Variants in SNX29 observed in about 807,000 individuals in gnomAD.
SNX29 encodes the protein sorting nexin 29, also known as sorting nexin-29.
In SNX29, 78 loss-of-function variants were observed where a neutral mutation model predicts 102.1. The observed-to-expected ratio is 0.76, with a 90% confidence interval of 0.64 to 0.92. The LOEUF (loss-of-function observed/expected upper bound fraction) is 0.92. Ranked by LOEUF, SNX29 falls within the 40% of genes least tolerant of loss-of-function variation. The probability of loss-of-function intolerance (pLI) is 0.00; values close to 1 mark genes in which losing one functional copy is unlikely to be tolerated. For synonymous variants in SNX29, 580 were observed against 414.5 expected (o/e 1.40, Z -4.85); for missense variants, 1,280 against 1,061.7 (o/e 1.21, Z -2.86).
At chr16:12,380,046 T>A (rs936688246) in intron 16 of SNX29, among the ~76,000 whole-genome samples, 2 of 151,054 alleles carry the variant, frequency 1.3e-5, no homozygotes. Context: ...ACAGAACTCC[T>A]AAGAATTCCC....
intron 15 of SNX29, among the ~76,000 whole-genome samples, chr16:12,325,703 C>A (rs963846192): frequency 2.0e-5 from 3 of 152,048 alleles, no homozygotes; most frequent in Non-Finnish European, 2.9e-5. Context: ...AGTAGATTTG[C>A]TCCTTATTTT....
chr16:12,218,273 C>G (rs1476099070), intron 14 of SNX29, among the ~76,000 whole-genome samples: 1 of 152,302 alleles, frequency 6.6e-6, no homozygotes, highest in Non-Finnish European at 1.5e-5. Context: ...AAGTTAATCT[C>G]TCCCGATGCT....
At chr16:12,437,314 A>C (rs1334452254) in intron 18 of SNX29, among the ~76,000 whole-genome samples, 2 of 150,652 alleles carry the variant, frequency 1.3e-5, no homozygotes, top group Middle Eastern at 3.5e-3. Flanking sequence ...AAGGTGTCAC[A>C]CACTGTGCTC....
At chr16:12,437,202 C>G (rs372689374) in intron 18 of SNX29, among the ~76,000 whole-genome samples, 49 of 152,356 alleles carry the variant, frequency 3.2e-4, no homozygotes, top group African/African-American at 9.6e-4. Flanking sequence ...GTTTCTTTCT[C>G]TTTGCTTTTC....
chr16:12,253,790 C>CG (rs2078490140), intron 14 of SNX29, among the ~76,000 whole-genome samples: 3 of 152,054 alleles, frequency 2.0e-5, no homozygotes, highest in Non-Finnish European at 4.4e-5. Context: ...GGGGTGGCCT[C>CG]TGAGTTAGGG....
At chr16:12,565,817 T>G (rs1252471752) in intron 20 of SNX29, among the ~76,000 whole-genome samples, 1 of 152,110 alleles carries the variant, frequency 6.6e-6, no homozygotes, top group African/African-American at 2.4e-5. Context: ...CTCAGCTCAC[T>G]TCTGGTCACC....
chr16:12,031,352 G>A (rs1049229078), intron 4 of SNX29, among the ~76,000 whole-genome samples: 3 of 151,918 alleles, frequency 2.0e-5, no homozygotes, highest in East Asian at 1.9e-4. Context: ...GATTACAGGC[G>A]TTAGCCACTG....
At chr16:12,387,483 A>G (rs1164582189) in intron 16 of SNX29, among the ~76,000 whole-genome samples, 1 of 135,962 alleles carries the variant, frequency 7.4e-6, no homozygotes, top group African/African-American at 2.8e-5. Context: ...AGCTGGCTAC[A>G]CTCCCCTTGC....
Position 12,013,500 on chromosome 16 carries a change from A to AAT in SNX29, c.122+10498_122+10499dup, listed in dbSNP as rs66491414. ...GTCTCTACTGGGGGAAAAAAAAAAA[A>AAT]ATATATATATATATATATATATATA... is the stretch of plus-strand genomic sequence containing the variant. On this transcript the variant is annotated intron_variant, in intron 3 of 20. Transcript: ENST00000566228. 6.5e-3 allele frequency among the ~76,000 whole-genome samples: 206 copies of AAT among 31,590 alleles called. 14 individuals carry two copies. The highest frequency in any genetic ancestry group is 7.4e-3 in the Non-Finnish European group (121 of 16,246). 20.7% of individuals were successfully genotyped at this position (31,590 alleles called of 152,430 possible). A position where few individuals can be genotyped will look rare whatever the true frequency, so the allele number is the denominator to read the frequency against.
At chr16:12,247,025 C>G (rs968414046) in intron 14 of SNX29, among the ~76,000 whole-genome samples, 1 of 152,040 alleles carries the variant, frequency 6.6e-6, no homozygotes, top group Non-Finnish European at 1.5e-5. Flanking sequence ...GGGAGCAGGG[C>G]CTTGTAGGTC....
chr16:12,573,652 T>C lies in SNX29; in HGVS notation c.*5023T>C, dbSNP rs2079233245. ...GAACGGCAAGGGGAACCACCACTCA[T>C]TCACTGTCAGTGTAGGTAAGACAGA... is the stretch of plus-strand genomic sequence containing the variant. On this transcript the variant is annotated 3_prime_UTR_variant, in exon 21 of 21. Coordinates refer to ENST00000566228, the MANE Select transcript of SNX29 (RefSeq NM_032167.5). 4.5e-6 allele frequency: 1 copy of C among 221,620 alleles called. No homozygotes were observed. 13.7% of individuals were successfully genotyped at this position (221,620 alleles called of 1,614,324 possible). A position where few individuals can be genotyped will look rare whatever the true frequency, so the allele number is the denominator to read the frequency against.
At chr16:12,031,397 C>T (rs1236048060) in intron 4 of SNX29, among the ~76,000 whole-genome samples, 1 of 152,054 alleles carries the variant, frequency 6.6e-6, no homozygotes, top group Non-Finnish European at 1.5e-5. Flanking sequence ...AACAGCTCTC[C>T]TAGTTTCTGT....
chr16:12,102,067 T>A (rs1435690235), intron 11 of SNX29, among the ~76,000 whole-genome samples: 4 of 152,232 alleles, frequency 2.6e-5, no homozygotes, highest in Non-Finnish European at 5.9e-5. Flanking sequence ...GTTTCCAGCT[T>A]CATCCATGTC....
intron 18 of SNX29, among the ~76,000 whole-genome samples, chr16:12,407,154 C>T (rs1008015120): frequency 1.5e-5 from 2 of 133,410 alleles, no homozygotes; most frequent in Non-Finnish European, 3.4e-5. Context: ...AAGGCCACAT[C>T]CTGCGGGGAG....
At chr16:12,004,505 T>C (rs1046514894) in intron 3 of SNX29, among the ~76,000 whole-genome samples, 7 of 152,064 alleles carry the variant, frequency 4.6e-5, no homozygotes, top group African/African-American at 1.7e-4. Flanking sequence ...CGTTGTGAGC[T>C]CAGTCAGAGC....
chr16:12,495,002 G>A (rs1369055614), intron 19 of SNX29, among the ~76,000 whole-genome samples: 1 of 152,184 alleles, frequency 6.6e-6, no homozygotes, highest in Non-Finnish European at 1.5e-5. Flanking sequence ...CTGGGGCCGA[G>A]GAGTTAGCAT....
chr16:12,526,456 T>A, intron 20 of SNX29: 1 of 463,350 alleles, frequency 2.2e-6, no homozygotes, highest in Non-Finnish European at 4.2e-6. Flanking sequence ...TATAGTATCC[T>A]GCTGCCTGTG....
At chr16:12,483,118 T>TGTTTTTG (rs1218151644) in intron 19 of SNX29, among the ~76,000 whole-genome samples, 1 of 101,380 alleles carries the variant, frequency 9.9e-6, no homozygotes, top group African/African-American at 4.6e-5. Flanking sequence ...TATTAAGTTT[T>TGTTTTTG]TTTTTTTTTT....
chr16:12,151,434 C>G (rs1397566841), intron 13 of SNX29, among the ~76,000 whole-genome samples: 1 of 152,124 alleles, frequency 6.6e-6, no homozygotes, highest in South Asian at 2.1e-4. Flanking sequence ...CAGCTCATGC[C>G]ATTCTTATGT....
Sources: gnomAD v4.1 joint callset for allele counts (sites outside exome capture counted in the v4.1 genomes callset) on GRCh38, gnomAD v4.1.1 for gene constraint, MANE v1.5 for transcripts, NCBI Gene and HGNC (gene_info 2026-07-23, HGNC 2026-07-21) for gene names.